Variants in GOLGA4 observed in about 807,000 individuals in gnomAD.
GOLGA4 encodes the protein golgin subfamily A member 4.
Under a neutral mutation model 265.9 loss-of-function variants are expected in GOLGA4, and 169 were observed. That is an observed-to-expected ratio of 0.64 (90% CI 0.56 to 0.72). The LOEUF is 0.72. Ranked by LOEUF, GOLGA4 falls within the 30% of genes least tolerant of loss-of-function variation. The pLI, the probability that GOLGA4 is intolerant of heterozygous loss-of-function variation, is 0.00. For missense variants in GOLGA4, 2,482 were observed against 2,483.4 expected (o/e 1.00, Z 0.01); for synonymous variants, 923 against 855.8 (o/e 1.08, Z -1.37).
chr3:37,362,483 G>A (rs564522061), intron 23 of GOLGA4, among the ~76,000 whole-genome samples: 72 of 150,910 alleles, frequency 4.8e-4, no homozygotes, highest in African/African-American at 1.6e-3. Flanking sequence ...CTCGTGATCC[G>A]CCCGCCTCGG....
At chr3:37,322,671 C>T (rs1480604568) in intron 13 of GOLGA4, among the ~76,000 whole-genome samples, 1 of 152,132 alleles carries the variant, frequency 6.6e-6, no homozygotes, top group Non-Finnish European at 1.5e-5. Flanking sequence ...TCACCTGTCA[C>T]ATGAAGAGAT....
intron 10 of GOLGA4, among the ~76,000 whole-genome samples, chr3:37,312,241 C>G (rs544863652): frequency 1.3e-5 from 2 of 152,142 alleles, no homozygotes; most frequent in Non-Finnish European, 2.9e-5. Context: ...ATTCCTCCAG[C>G]GTTTAAACCT....
At chr3:37,258,844 T>G (rs1310457730) in intron 2 of GOLGA4, among the ~76,000 whole-genome samples, 1 of 152,294 alleles carries the variant, frequency 6.6e-6, no homozygotes, top group Admixed American at 6.5e-5. Flanking sequence ...TGTCACTTGT[T>G]TCTTGTATAT....
chr3:37,308,863 C>G (rs1279375289), intron 10 of GOLGA4, among the ~76,000 whole-genome samples: 1 of 152,084 alleles, frequency 6.6e-6, no homozygotes, highest in Non-Finnish European at 1.5e-5. Flanking sequence ...ATCTGCCCGC[C>G]TCGGCCTCCC....
At chr3:37,341,620 A>G (rs1175264386) in intron 20 of GOLGA4, 2 of 152,192 alleles carry the variant, frequency 1.3e-5, no homozygotes, top group African/African-American at 2.4e-5. Context: ...AAGTCACTGA[A>G]TATCTCAGCA....
intron 2 of GOLGA4, among the ~76,000 whole-genome samples, chr3:37,272,046 A>G (rs904530162): frequency 1.3e-4 from 20 of 152,236 alleles, no homozygotes; most frequent in African/African-American, 4.8e-4. Context: ...TAGTTGTAGG[A>G]AAACAAGCTC....
rs200027557 is a variant in GOLGA4, at chr3:37,321,763, C to T, written c.1578C>T (p.Ser526=). The T allele has an allele frequency of 6.2e-6, 10 of 1,610,508 alleles. No individual in the cohort carries two copies. The East Asian group carries it at 2.2e-4, about 36-fold the overall frequency. Residue 526 remains serine (S), a synonymous_variant, in exon 13 of 24, where the codon AGC becomes AGT. Coordinates refer to ENST00000361924, the MANE Select transcript of GOLGA4 (RefSeq NM_002078.5). ...GTCAATCAGAATATTTGAAGATCAG[C>T]CAAGAAAAAGAACAGCAAGAATCTT... The part of the protein sequence containing the change: ...EKSQSEYLKI[S]QEKEQQESLA...
intron 2 of GOLGA4, among the ~76,000 whole-genome samples, 185 bp downstream of exon 2, chr3:37,251,669 G>T (rs12107584): frequency 2.4e-4 from 33 of 139,670 alleles, no homozygotes; most frequent in African/African-American, 9.0e-4. Flanking sequence ...ATTTATGTCT[G>T]TCTGTCTGTC....
At chr3:37,357,763 T>C (rs1336878620) in intron 22 of GOLGA4, among the ~76,000 whole-genome samples, 1 of 152,226 alleles carries the variant, frequency 6.6e-6, no homozygotes, top group Non-Finnish European at 1.5e-5. Context: ...TTCATATCCC[T>C]GTCCATTGAG....
chr3:37,354,857 T>C (rs536163236), intron 21 of GOLGA4, among the ~76,000 whole-genome samples: 1 of 152,268 alleles, frequency 6.6e-6, no homozygotes, highest in East Asian at 1.9e-4. Flanking sequence ...ATTAGAATTT[T>C]ATATAGCTTC....
In GOLGA4 at chr3:37,325,479, G is replaced by T; in HGVS notation, c.3593G>T (p.Ser1198Ile). ...LKSSHEKSNKSLEDKSLEFKK... is the reference protein window; with the variant it reads ...LKSSHEKSNKILEDKSLEFKK... ...TCTTCACATGAAAAAAGTAACAAAAGCCTAGAGGACAAGAGCTTGGAATTT... is the reference window on the plus strand; with the variant it reads ...TCTTCACATGAAAAAAGTAACAAAATCCTAGAGGACAAGAGCTTGGAATTT... Residue 1198 changes from serine (S) to isoleucine (I), a missense_variant, in exon 14 of 24, where the codon AGC becomes ATC. By Grantham distance (142) the Ser-to-Ile change is moderately radical. Coordinates refer to ENST00000361924, the MANE Select transcript of GOLGA4 (RefSeq NM_002078.5). 1 of 1,613,114 alleles carries T rather than the reference G, an allele frequency of 6.2e-7. No homozygotes were observed. Among genetic ancestry groups the T allele is most frequent in the Admixed American group, 1.7e-5 (1 of 59,828 alleles).
Position 37,327,634 on chromosome 3 carries a change from A to T in GOLGA4, c.5748A>T (p.Lys1916Asn), listed in dbSNP as rs948584571. 1 of 1,613,928 alleles carries T rather than the reference A, an allele frequency of 6.2e-7. No homozygotes were observed. The highest frequency in any genetic ancestry group is 8.5e-7 in the Non-Finnish European group (1 of 1,179,858). The change falls in exon 14 of 24, where the codon AAA (lysine) becomes AAT (asparagine). Residue 1916 changes from lysine to asparagine, a missense_variant. By Grantham distance (94) the Lys-to-Asn change is moderately conservative. Coordinates refer to ENST00000361924, the MANE Select transcript of GOLGA4 (RefSeq NM_002078.5). ...CCAAATCACATTTGGTCCAACCCAAATTGCTTAGTAACATGGAAGCCCAGC... is the reference window on the plus strand; with the variant it reads ...CCAAATCACATTTGGTCCAACCCAATTTGCTTAGTAACATGGAAGCCCAGC... ...EKSKSHLVQP[K>N]LLSNMEAQHN...
At chr3:37,255,490 T>C (rs2096746057) in intron 2 of GOLGA4, among the ~76,000 whole-genome samples, 3 of 151,820 alleles carry the variant, frequency 2.0e-5, no homozygotes. Flanking sequence ...TAAAGAAGCC[T>C]GAGGCACTCC....
chr3:37,327,540 A>C lies in GOLGA4; in HGVS notation c.5654A>C (p.Gln1885Pro). The C allele has an allele frequency of 1.2e-6, 2 of 1,613,784 alleles. No homozygotes were observed. The highest frequency in any genetic ancestry group is 1.7e-6 in the Non-Finnish European group (2 of 1,179,712). Residue 1885 changes from glutamine (Q) to proline (P), a missense_variant, in exon 14 of 24, where the codon CAG becomes CCG. Physicochemically the swap from Gln to Pro is moderately conservative, Grantham distance 76 (BLOSUM62 -1). Transcript: ENST00000361924. ...EELTSKYEKLQALQQMDGRNK... is the reference protein window; with the variant it reads ...EELTSKYEKLPALQQMDGRNK... ...TTGACCTCAAAATATGAAAAATTACAGGCTTTACAACAGATGGATGGAAGA... is the reference window on the plus strand; with the variant it reads ...TTGACCTCAAAATATGAAAAATTACCGGCTTTACAACAGATGGATGGAAGA...
rs1488247462 is a variant in GOLGA4 at position 37,329,044 on chromosome 3, A to G, written c.6143A>G (p.Lys2048Arg). The G allele has an allele frequency of 6.2e-7, 1 of 1,611,452 alleles. No homozygotes were observed. Among genetic ancestry groups the G allele is most frequent in the Non-Finnish European group, 8.5e-7 (1 of 1,178,788 alleles). Reference protein sequence around the residue: ...TNQLLKKIAEKDDDLKRTAKR... With the variant: ...TNQLLKKIAERDDDLKRTAKR... ...CAGTTACTTAAAAAAATTGCTGAGA[A>G]AGATGATGATCTAAAACGAACAGCC... The change falls in exon 16 of 24, where the codon AAA becomes AGA. Residue 2048 changes from lysine to arginine, a missense_variant. Around this residue, in one of 3 missense-constraint regions of GOLGA4, gnomAD observed 942 missense variants for 983.1 expected, o/e 0.96. Transcript: ENST00000361924.
chr3:37,308,455 GTAT>G (rs1222434423), intron 10 of GOLGA4, among the ~76,000 whole-genome samples: 1 of 151,648 alleles, frequency 6.6e-6, no homozygotes, highest in African/African-American at 2.4e-5. Context: ...CCGGGTGGTA[GTAT>G]TTTATTTTCA....
rs2096966513 is a variant in GOLGA4, at chr3:37,325,208, T to C, written c.3322T>C (p.Leu1108=). The C allele has an allele frequency of 1.9e-6, 3 of 1,613,036 alleles. No individual in the cohort carries two copies. In the East Asian group the frequency reaches 6.7e-5, roughly 36 times the overall value. ...KEEGVKQDTT[L]NELQEQLKQK... ...AGAAGGTGTTAAGCAGGATACAACATTAAATGAATTACAGGAACAGTTAAA... is the reference window on the plus strand; with the variant it reads ...AGAAGGTGTTAAGCAGGATACAACACTAAATGAATTACAGGAACAGTTAAA... The change falls in exon 14 of 24, where the codon TTA becomes CTA. Residue 1108 remains leucine (L), a synonymous_variant. Coordinates refer to ENST00000361924, the MANE Select transcript of GOLGA4 (RefSeq NM_002078.5).
chr3:37,309,384 G>A (rs1256155921), intron 10 of GOLGA4, among the ~76,000 whole-genome samples: 2 of 152,012 alleles, frequency 1.3e-5, no homozygotes, highest in Non-Finnish European at 2.9e-5. Flanking sequence ...GGTGAACCCC[G>A]TCTCTACTAA....
At chr3:37,363,418 G>T (rs887811678) in intron 23 of GOLGA4, among the ~76,000 whole-genome samples, 1 of 152,084 alleles carries the variant, frequency 6.6e-6, no homozygotes, top group Non-Finnish European at 1.5e-5. Context: ...TTAATTGATT[G>T]TCTCCTCAAC....
Sources: gnomAD v4.1 joint callset for allele counts (sites outside exome capture counted in the v4.1 genomes callset) on GRCh38, gnomAD v4.1.1 for gene constraint, gnomAD v4.1.1 regional missense constraint, MANE v1.5 for transcripts, NCBI Gene and HGNC (gene_info 2026-07-23, HGNC 2026-07-21) for gene names.